DLG2: variants seen among roughly 807,000 people sequenced by gnomAD.
DLG2 encodes disks large homolog 2.
Under a neutral mutation model 132.5 loss-of-function variants are expected in DLG2, and 45 were observed. The observed-to-expected ratio is 0.34, with a 90% confidence interval of 0.27 to 0.44. The LOEUF (loss-of-function observed/expected upper bound fraction) is 0.44. Ranked by LOEUF, DLG2 falls within the 20% of genes least tolerant of loss-of-function variation. The probability of loss-of-function intolerance (pLI) is 1.00; values close to 1 mark genes in which losing one functional copy is unlikely to be tolerated. For missense variants in DLG2, 1,045 were observed against 1,196.9 expected (o/e 0.87, Z 1.87); for synonymous variants, 424 against 419.6 (o/e 1.01, Z -0.13).
chr11:85,142,922 A>G (rs2076591960), intron 5 of DLG2, among the ~76,000 whole-genome samples: 1 of 151,790 alleles, frequency 6.6e-6, no homozygotes. Context: ...CTTGATGAAT[A>G]ATCCTTTTAA....
chr11:84,702,009 C>G (rs2059277916), intron 6 of DLG2, among the ~76,000 whole-genome samples: 1 of 151,612 alleles, frequency 6.6e-6, no homozygotes. Context: ...AATAATTACT[C>G]TCCTCTGCTG....
At chr11:84,600,709 C>T (rs564460870) in intron 6 of DLG2, among the ~76,000 whole-genome samples, 1 of 152,204 alleles carries the variant, frequency 6.6e-6, no homozygotes, top group East Asian at 1.9e-4. Flanking sequence ...CTTAACAAAA[C>T]CAGAACTTTA....
rs142628909 is a variant in DLG2, at chr11:85,436,910, T to A, written c.41-151545A>T. ...GACATGGAACCAACCCAAATGCCCA[T>A]CAATGATAGACTGGATAAAGAAAAT... On this transcript the variant is annotated intron_variant, in intron 3 of 27. Transcript: ENST00000376104. Among the ~76,000 whole-genome samples the A allele has an allele frequency of 1.6e-3, 241 of 152,256 alleles. 1 individual carries two copies. The highest frequency in any genetic ancestry group is 2.6e-3 in the Non-Finnish European group (180 of 68,020).
intron 7 of DLG2, among the ~76,000 whole-genome samples, chr11:84,388,997 G>T (rs1159632711): frequency 6.6e-6 from 1 of 151,992 alleles, no homozygotes; most frequent in Non-Finnish European, 1.5e-5. Context: ...TAATTTGCAG[G>T]CTTTCATATA....
chr11:84,786,369 A>T (rs1398059709), intron 6 of DLG2, among the ~76,000 whole-genome samples: 1 of 152,234 alleles, frequency 6.6e-6, no homozygotes, highest in Non-Finnish European at 1.5e-5. Context: ...ACAGATATAT[A>T]GAACTAACCA....
At chr11:83,706,482 T>A (rs529799156) in intron 18 of DLG2, among the ~76,000 whole-genome samples, 1 of 152,212 alleles carries the variant, frequency 6.6e-6, no homozygotes, top group African/African-American at 2.4e-5. Flanking sequence ...CCTCTCCAAC[T>A]GCACTTCCAT....
At chr11:84,355,503 C>T (rs2098605983) in intron 7 of DLG2, among the ~76,000 whole-genome samples, 1 of 152,048 alleles carries the variant, frequency 6.6e-6, no homozygotes, top group African/African-American at 2.4e-5. Context: ...TCAAGGCAGA[C>T]CTTCACCTGA....
intron 3 of DLG2, among the ~76,000 whole-genome samples, chr11:85,432,931 A>G (rs1473145385): frequency 6.6e-6 from 1 of 152,180 alleles, no homozygotes; most frequent in Non-Finnish European, 1.5e-5. Context: ...AGGCTACATC[A>G]CCTACCAAGG....
intron 9 of DLG2, among the ~76,000 whole-genome samples, chr11:84,111,265 C>T (rs2093335876): frequency 1.3e-5 from 2 of 152,184 alleles, no homozygotes; most frequent in South Asian, 4.1e-4. Flanking sequence ...CTTTTCTTTG[C>T]TGTTGAATTT....
intron 8 of DLG2, among the ~76,000 whole-genome samples, chr11:84,218,033 T>C (rs2096859129): frequency 6.6e-6 from 1 of 152,024 alleles, no homozygotes; most frequent in Admixed American, 6.6e-5. Context: ...CCAGGTGTGG[T>C]GGCATGTGCC....
At chr11:85,510,410 A>C (rs563809551) in intron 3 of DLG2, among the ~76,000 whole-genome samples, 6 of 152,292 alleles carry the variant, frequency 3.9e-5, no homozygotes, top group African/African-American at 1.4e-4. Flanking sequence ...CAGCAAAAGA[A>C]ACTACCATCA....
At chr11:84,203,908 A>G (rs901015008) in intron 8 of DLG2, among the ~76,000 whole-genome samples, 1 of 152,178 alleles carries the variant, frequency 6.6e-6, no homozygotes, top group Non-Finnish European at 1.5e-5. Context: ...AAGTCTGCAC[A>G]TCCTGCACAT....
In DLG2 at chr11:84,198,737, A is replaced by C. The variant is rs77093084; in HGVS notation, c.574-35226T>G. ...CTATTGGGGAGACAAGGACTTAGAG[A>C]GGGAAGTCAAATAGAAAAATTCTGC... On this transcript the variant is annotated intron_variant, in intron 8 of 27. Transcript: ENST00000376104. 7.4e-4 allele frequency among the ~76,000 whole-genome samples: 113 copies of C among 152,318 alleles called. 1 individual carries two copies. The highest frequency in any genetic ancestry group is 2.6e-3 in the African/African-American group (108 of 41,590).
chr11:84,777,169 C>A (rs1024486865), intron 6 of DLG2, among the ~76,000 whole-genome samples: 1 of 151,102 alleles, frequency 6.6e-6, no homozygotes, highest in Non-Finnish European at 1.5e-5. Flanking sequence ...GTTTGACTTT[C>A]TGTGTTTCAC....
intron 6 of DLG2, among the ~76,000 whole-genome samples, chr11:85,055,313 T>A (rs1211225279): frequency 6.6e-6 from 1 of 152,198 alleles, no homozygotes; most frequent in East Asian, 1.9e-4. Context: ...ATTTATAACA[T>A]TCTCTTGCTA....
chr11:85,146,819 C>G (rs12274621), intron 5 of DLG2, among the ~76,000 whole-genome samples: 4 of 152,204 alleles, frequency 2.6e-5, no homozygotes, highest in Non-Finnish European at 5.9e-5. Flanking sequence ...ACCTTGTTAC[C>G]TGACTGACAT....
intron 17 of DLG2, among the ~76,000 whole-genome samples, chr11:83,824,917 TA>T (rs1376409718): frequency 6.6e-6 from 1 of 152,008 alleles, no homozygotes; most frequent in Non-Finnish European, 1.5e-5. Context: ...AGTTGTGACA[TA>T]TAGTATGTTT....
chr11:84,847,183 A>G (rs2081576830), intron 6 of DLG2, among the ~76,000 whole-genome samples: 1 of 152,222 alleles, frequency 6.6e-6, no homozygotes, highest in African/African-American at 2.4e-5. Context: ...TATAAAATAT[A>G]TAGCATTGGC....
rs957934153 is a variant in DLG2 at position 84,187,806 on chromosome 11, A to G, written c.574-24295T>C. On this transcript the variant is annotated intron_variant, in intron 8 of 27. Coordinates refer to ENST00000376104, the MANE Select transcript of DLG2 (RefSeq NM_001142699.3). ...CTATGTAAAACCATTAATCAATAGA[A>G]CAGGAATATTCCCTGGCTAATTTAT... Among the ~76,000 whole-genome samples the G allele has an allele frequency of 3.3e-5, 5 of 152,196 alleles. 1 individual carries two copies. In the Middle Eastern group the frequency reaches 0.014, roughly 414 times the overall value.
Sources: allele counts gnomAD v4.1 joint callset (sites outside exome capture counted in the v4.1 genomes callset), GRCh38; gene constraint gnomAD v4.1.1; transcripts MANE v1.5; gene names NCBI Gene and HGNC (gene_info 2026-07-23, HGNC 2026-07-21).